DCAF12: variants seen among roughly 807,000 people sequenced by gnomAD.
DCAF12 encodes DDB1- and CUL4-associated factor 12.
DCAF12 carries 28 observed loss-of-function variants against 52.8 expected under a neutral mutation model. The ratio of observed to expected loss-of-function variants is 0.53; its 90% confidence interval spans 0.39 to 0.73. The LOEUF (loss-of-function observed/expected upper bound fraction) is 0.73, where lower values mean the gene tolerates loss of function less well. Among genes scored for constraint, DCAF12 ranks in the 30% least tolerant of loss-of-function variants. DCAF12 has a pLI of 0.00. For missense variants in DCAF12, 425 were observed against 552.2 expected, an observed-to-expected ratio of 0.77 and a Z score of 2.31; for synonymous variants, 196 against 215.5, an observed-to-expected ratio of 0.91 and a Z score of 0.79.
At chr9:34,093,774 A>G in intron 6 of DCAF12, 1 of 280,446 alleles carries the variant, frequency 3.6e-6, no homozygotes, top group Admixed American at 4.5e-5. Context: ...GAATCGTTCC[A>G]GGGCACTAAA....
At chr9:34,094,697 A>AT (rs1354347537) in intron 6 of DCAF12, among the ~76,000 whole-genome samples, 1 of 150,556 alleles carries the variant, frequency 6.6e-6, no homozygotes, top group East Asian at 2.0e-4. Context: ...CGCCCGGCTA[A>AT]TTTTTTGTAT....
rs1286187565 is a variant in DCAF12, at chr9:34,096,771, G to A, written c.806C>T (p.Ala269Val). 1.2e-6 allele frequency: 2 copies of A among 1,613,718 alleles called. No homozygotes were observed. ...AFNNKNKELG[A>V]VSLDGYFHLW... ...ATGAAAGTAGCCATCCAGAGACACTGCTCCCAGTTCCTACAAGAGCAATGA... is the reference window on the plus strand; with the variant it reads ...ATGAAAGTAGCCATCCAGAGACACTACTCCCAGTTCCTACAAGAGCAATGA... The change falls in exon 6 of 9, where the codon GCA becomes GTA. Residue 269 changes from alanine to valine, a missense_variant. Around this residue, in one of 3 missense-constraint regions of DCAF12, gnomAD observed 328 missense variants for 444.4 expected, o/e 0.74. Transcript: ENST00000361264.
intron 1 of DCAF12, 98 bp downstream of exon 1, chr9:34,126,256 A>G (rs929607050): frequency 3.4e-6 from 5 of 1,470,572 alleles, no homozygotes; most frequent in South Asian, 2.4e-5. Context: ...CTCTGACTGC[A>G]GACCCTGGAC....
chr9:34,111,055 A>T (rs902842925), intron 2 of DCAF12, among the ~76,000 whole-genome samples: 10 of 141,794 alleles, frequency 7.1e-5, no homozygotes, highest in African/African-American at 2.6e-4. Flanking sequence ...GCATGATCTC[A>T]GCTCACTGCA....
intron 2 of DCAF12, among the ~76,000 whole-genome samples, chr9:34,113,700 C>A (rs1829041440): frequency 6.6e-6 from 1 of 152,168 alleles, no homozygotes; most frequent in Admixed American, 6.6e-5. Flanking sequence ...CCAGGCCTTA[C>A]CCTAAAACTC....
At chr9:34,092,632 G>A (rs925397120) in intron 7 of DCAF12, among the ~76,000 whole-genome samples, 1 of 151,526 alleles carries the variant, frequency 6.6e-6, no homozygotes, top group Admixed American at 6.6e-5. Context: ...GTTGCAGTGA[G>A]CTGAGATCAC....
intron 2 of DCAF12, among the ~76,000 whole-genome samples, chr9:34,108,106 C>T (rs570824429): frequency 3.3e-5 from 5 of 152,178 alleles, no homozygotes; most frequent in African/African-American, 9.7e-5. Flanking sequence ...AGTCCTATTC[C>T]TCCCTGCCTT....
chr9:34,100,582 C>T (rs77714624), intron 4 of DCAF12, among the ~76,000 whole-genome samples: 1 of 151,622 alleles, frequency 6.6e-6, no homozygotes, highest in African/African-American at 2.4e-5. Flanking sequence ...CCAACCTCCA[C>T]CTCCTGAGCA....
chr9:34,110,670 C>T (rs1227100081), intron 2 of DCAF12, among the ~76,000 whole-genome samples: 2 of 152,082 alleles, frequency 1.3e-5, no homozygotes, highest in African/African-American at 2.4e-5. Flanking sequence ...TTATGAACAG[C>T]TCAGGCAGCA....
intron 2 of DCAF12, among the ~76,000 whole-genome samples, chr9:34,117,530 C>A (rs1319432187): frequency 6.6e-6 from 1 of 152,132 alleles, no homozygotes; most frequent in Non-Finnish European, 1.5e-5. Flanking sequence ...CTTGATTTTA[C>A]CTAGTACCCA....
At chr9:34,105,755 C>CTTTTTTT (rs34136603) in intron 4 of DCAF12, among the ~76,000 whole-genome samples, 1 of 143,582 alleles carries the variant, frequency 7.0e-6, no homozygotes. Flanking sequence ...TCTATCCATC[C>CTTTTTTT]TTTTTTTTTT....
chr9:34,117,429 T>C (rs1420175734), intron 2 of DCAF12, among the ~76,000 whole-genome samples: 1 of 151,766 alleles, frequency 6.6e-6, no homozygotes, highest in East Asian at 1.9e-4. Flanking sequence ...GCATTACAGG[T>C]GTGAGCCACC....
chr9:34,115,916 G>A (rs1829081685), intron 2 of DCAF12, among the ~76,000 whole-genome samples: 1 of 152,158 alleles, frequency 6.6e-6, no homozygotes, highest in Non-Finnish European at 1.5e-5. Flanking sequence ...TTCACTGCAT[G>A]AATATACTGA....
chr9:34,091,343 A>C (rs1003711045), intron 7 of DCAF12, among the ~76,000 whole-genome samples: 5 of 151,936 alleles, frequency 3.3e-5, no homozygotes, highest in South Asian at 2.1e-4. Flanking sequence ...ACAACAACAA[A>C]AAAGAAATAG....
At chr9:34,094,763 C>T (rs1008580866) in intron 6 of DCAF12, among the ~76,000 whole-genome samples, 2 of 151,892 alleles carry the variant, frequency 1.3e-5, no homozygotes, top group Non-Finnish European at 1.5e-5. Flanking sequence ...ATCTCCTGAC[C>T]TTGCGATCCG....
chr9:34,088,273 A>AG lies in DCAF12; in HGVS notation c.*76dup. On this transcript the variant is annotated 3_prime_UTR_variant, in exon 9 of 9. Coordinates refer to ENST00000361264, the MANE Select transcript of DCAF12 (RefSeq NM_015397.4). ...TAAAACACAAGAGCCTCACACAATT[A>AG]GGAAAAAAAAAATCAAAAGAAACAA... 1 of 1,467,160 alleles carries AG rather than the reference A, an allele frequency of 6.8e-7. No homozygotes were observed. Among genetic ancestry groups the AG allele is most frequent in the Non-Finnish European group, 9.1e-7 (1 of 1,102,854 alleles). 90.9% of individuals were successfully genotyped at this position (1,467,160 alleles called of 1,614,324 possible).
chr9:34,107,310 C>A, intron 3 of DCAF12, 49 bp downstream of exon 3: 1 of 1,565,992 alleles, frequency 6.4e-7, no homozygotes, highest in South Asian at 1.1e-5. Context: ...TCACTGAGAC[C>A]CGTTTAAAAA....
intron 2 of DCAF12, among the ~76,000 whole-genome samples, chr9:34,117,686 G>C (rs537368646): frequency 6.6e-6 from 1 of 152,074 alleles, no homozygotes; most frequent in Non-Finnish European, 1.5e-5. Flanking sequence ...AGGCCCAGGC[G>C]GGAGGATCAC....
intron 5 of DCAF12, 42 bp downstream of exon 5, chr9:34,098,282 G>A: frequency 2.5e-6 from 4 of 1,587,306 alleles, no homozygotes; most frequent in Non-Finnish European, 3.4e-6. Context: ...CAAGACATAA[G>A]CAAGAGGAAT....
Sources: gnomAD v4.1 joint callset for allele counts (sites outside exome capture counted in the v4.1 genomes callset) on GRCh38, gnomAD v4.1.1 for gene constraint, gnomAD v4.1.1 regional missense constraint, MANE v1.5 for transcripts, NCBI Gene and HGNC (gene_info 2026-07-23, HGNC 2026-07-21) for gene names.